Variants in SRCIN1 observed in about 807,000 individuals in gnomAD.
SRCIN1 encodes the protein P130Cas-associated protein.
Under a neutral mutation model 116.2 loss-of-function variants are expected in SRCIN1, and 50 were observed. The observed-to-expected ratio is 0.43, with a 90% CI of 0.34 to 0.54. The LOEUF (loss-of-function observed/expected upper bound fraction) is 0.54, where lower values mean the gene tolerates loss of function less well. Among genes scored for constraint, SRCIN1 ranks in the 20% least tolerant of loss-of-function variants. The pLI is 0.02. For synonymous variants in SRCIN1, 736 were observed against 750.0 expected (o/e 0.98, Z 0.30); for missense variants, 1,446 against 1,672.0 (o/e 0.86, Z 2.36).
In SRCIN1 at chr17:38,578,494, T is replaced by G. The variant is rs1907568999; in HGVS notation, c.320A>C (p.Glu107Ala). The G allele has an allele frequency of 6.3e-7, 1 of 1,582,392 alleles. No individual in the cohort carries two copies. The highest frequency in any genetic ancestry group is 1.4e-5 in the African/African-American group (1 of 73,642). The change falls in exon 2 of 19, where the codon GAG becomes GCG. Residue 107 changes from glutamate to alanine, a missense_variant. Glu to Ala is a moderately radical substitution (Grantham distance 107). This residue lies in a region of SRCIN1 where 246 missense variants were observed against 265.1 expected (regional missense o/e 0.93). Transcript: ENST00000617146. ...ALRGQQDRMREQPNYWSFKTR... is the reference protein window; with the variant it reads ...ALRGQQDRMRAQPNYWSFKTR... Reference sequence around the variant, plus strand: ...CGCAGCCGGGAGCCCACTCACCTGCTCTCGCATCCTGTCCTGCTGGCCTCG... The same window carrying G: ...CGCAGCCGGGAGCCCACTCACCTGCGCTCGCATCCTGTCCTGCTGGCCTCG...
rs1340601926 is a variant in SRCIN1 at position 38,581,412 on chromosome 17, AAAAAAAGAAAAAAG to A, written c.23-2635_23-2622del. 2.1e-3 allele frequency among the ~76,000 whole-genome samples: 303 copies of A among 143,120 alleles called. 4 individuals are homozygous for A. Among genetic ancestry groups the A allele is most frequent in the African/African-American group, 8.5e-3 (291 of 34,130 alleles). 93.9% of individuals were successfully genotyped at this position (143,120 alleles called of 152,430 possible). On this transcript the variant is annotated intron_variant, in intron 1 of 18. Coordinates refer to ENST00000617146, the MANE Select transcript of SRCIN1 (RefSeq NM_025248.3). ...CAGTGTGAAACTCTGTCTCAAAAAAAAAAAAAGAAAAAAGAAAAAAGAAAAAAAAAAGTGTGAGC... is the reference window on the plus strand; with the variant it reads ...CAGTGTGAAACTCTGTCTCAAAAAAAAAAAAAGAAAAAAAAAAGTGTGAGC...
At chr17:38,587,878 A>T (rs975703639) in intron 1 of SRCIN1, among the ~76,000 whole-genome samples, 1 of 152,074 alleles carries the variant, frequency 6.6e-6, no homozygotes, top group Non-Finnish European at 1.5e-5. Context: ...AAAATGTGCA[A>T]ATCAGCCCCG....
chr17:38,562,147 G>A lies in SRCIN1; in HGVS notation c.1016C>T (p.Ser339Leu). Residue 339 changes from serine to leucine, a missense_variant, in exon 7 of 19, where the codon TCG becomes TTG. Ser to Leu is a moderately radical substitution (Grantham distance 145, BLOSUM62 -2). This residue lies in a region of SRCIN1 where 239 missense variants were observed against 317.7 expected (regional missense o/e 0.75). Transcript: ENST00000617146. This position sits in a 1 kb window ranked among gnomAD's most constrained non-coding sequence, Gnocchi z 4.2. ...GTGGTGCACCGGGCTGCCGGCGTAC[G>A]AAGGCGGGCGCCCCCCGGCGTACGA... ...RLSYAGGRPP[S>L]YAGSPVHHAA... 7.3e-7 allele frequency: 1 copy of A among 1,366,756 alleles called. No homozygotes were observed. The allele number at this position is 1,366,756 out of a possible 1,614,324, so 84.7% of individuals were successfully genotyped here.
chr17:38,540,772 T>TGTGA (rs60254439), intron 18 of SRCIN1, among the ~76,000 whole-genome samples: 12 of 149,320 alleles, frequency 8.0e-5, no homozygotes, highest in African/African-American at 3.0e-4. Flanking sequence ...TGTGTGTGTG[T>TGTGA]GACACACACA....
At chr17:38,548,773 C>G in intron 16 of SRCIN1, 64 bp from the exon 17 acceptor site, 1 of 1,475,042 alleles carries the variant, frequency 6.8e-7, no homozygotes, top group Non-Finnish European at 9.0e-7. Flanking sequence ...GCTCACCTCC[C>G]AGGCCCCATC....
At chr17:38,559,911 A>C in intron 9 of SRCIN1, 139 bp from the exon 10 acceptor site, 1 of 1,359,652 alleles carries the variant, frequency 7.4e-7, no homozygotes. Context: ...CCAAGTGGTC[A>C]GCCCTAACGG....
At chr17:38,550,797 G>A (rs985311732) in intron 15 of SRCIN1, among the ~76,000 whole-genome samples, 2 of 152,248 alleles carry the variant, frequency 1.3e-5, no homozygotes, top group Admixed American at 6.5e-5. Context: ...TGGGGACCAT[G>A]GGAACTGTGT....
chr17:38,590,733 G>A (rs988419159), intron 1 of SRCIN1, among the ~76,000 whole-genome samples: 3 of 138,180 alleles, frequency 2.2e-5, no homozygotes, highest in African/African-American at 6.4e-5. Context: ...CTCAACTGCC[G>A]GGGTGCTTAG....
At chr17:38,580,382 C>T (rs916447297) in intron 1 of SRCIN1, among the ~76,000 whole-genome samples, 2 of 152,126 alleles carry the variant, frequency 1.3e-5, no homozygotes, top group African/African-American at 2.4e-5. Flanking sequence ...CACCTCCCAC[C>T]GAACCAAGGG....
At chr17:38,565,423 C>T (rs543349376) in intron 3 of SRCIN1, among the ~76,000 whole-genome samples, 1 of 152,072 alleles carries the variant, frequency 6.6e-6, no homozygotes, top group Non-Finnish European at 1.5e-5. Flanking sequence ...TTTTGTAAAA[C>T]AAATTGTCTA....
intron 2 of SRCIN1, among the ~76,000 whole-genome samples, chr17:38,573,945 T>C (rs184759168): frequency 1.3e-5 from 2 of 152,374 alleles, no homozygotes; most frequent in African/African-American, 4.8e-5. Flanking sequence ...GTTACTAGAC[T>C]TGAGTTACAC....
At chr17:38,574,604 T>C (rs1907290626) in intron 2 of SRCIN1, among the ~76,000 whole-genome samples, 1 of 151,948 alleles carries the variant, frequency 6.6e-6, no homozygotes, top group Admixed American at 6.6e-5. Context: ...GAGAAAGGGA[T>C]ACAAAAACTT....
Position 38,560,352 on chromosome 17 carries a change from A to T in SRCIN1, c.1774T>A (p.Ser592Thr), listed in dbSNP as rs368346581. The T allele has an allele frequency of 3.8e-5, 62 of 1,610,868 alleles. No homozygotes were observed. Among genetic ancestry groups the T allele is most frequent in the Non-Finnish European group, 5.1e-5 (60 of 1,178,626 alleles). The change falls in exon 8 of 19, where the codon TCT (serine) becomes ACT (threonine). Residue 592 changes from serine (S) to threonine (T), a missense_variant. Physicochemically the swap from Ser to Thr is moderately conservative, Grantham distance 58. This residue lies in a region of SRCIN1 where 398 missense variants were observed against 385.6 expected (regional missense o/e 1.03). Transcript: ENST00000617146. ...CCTCACCTGGGGGTCTCAGGCTCAG[A>T]GCCTCGCAGTAAGGCGCTCTGCACC... ...GLVQSALLRG[S>T]EPETPSEKIE...
rs758993179 is a variant in SRCIN1, at chr17:38,564,122, G to A, written c.537C>T (p.Ser179=). Residue 179 remains serine, a synonymous_variant, in exon 4 of 19, where the codon TCC becomes TCT. Coordinates refer to ENST00000617146, the MANE Select transcript of SRCIN1 (RefSeq NM_025248.3). ...SRSASQTKLR[S]PGVLFLQFGE... ...GGTGGACTGGGCGGGCAGTACCTGG[G>A]GAGCGCAGCTTGGTCTGGCTGGCCG... 1.3e-6 allele frequency: 2 copies of A among 1,597,802 alleles called. No homozygotes were observed. Among genetic ancestry groups the A allele is most frequent in the Non-Finnish European group, 1.7e-6 (2 of 1,173,120 alleles).
At chr17:38,584,536 A>G (rs949676303) in intron 1 of SRCIN1, among the ~76,000 whole-genome samples, 1 of 151,912 alleles carries the variant, frequency 6.6e-6, no homozygotes, top group Non-Finnish European at 1.5e-5. Context: ...GGCGCCCCCC[A>G]GTGGCCGGCT....
chr17:38,606,010 G>T (rs1909347100), upstream of SRCIN1: 1 of 142,800 alleles, frequency 7.0e-6, no homozygotes, highest in East Asian at 2.1e-4. The surrounding 1 kb of genome is among the most constrained non-coding windows in gnomAD (Gnocchi z 5.2). Context: ...CGCGGCGCGG[G>T]CGCGCGCGTG....
Position 38,585,551 on chromosome 17 carries a change from A to G in SRCIN1, c.23-6760T>C, listed in dbSNP as rs1475883069. Among the ~76,000 whole-genome samples, 1 of 152,132 alleles carries G rather than the reference A, an allele frequency of 6.6e-6. No individual in the cohort carries two copies. Among genetic ancestry groups the G allele is most frequent in the Non-Finnish European group, 1.5e-5 (1 of 68,020 alleles). On this transcript the variant is annotated intron_variant, in intron 1 of 18. Coordinates refer to ENST00000617146, the MANE Select transcript of SRCIN1 (RefSeq NM_025248.3). This position sits in a 1 kb window ranked among gnomAD's most constrained non-coding sequence, Gnocchi z 4.2. Reference sequence around the variant, plus strand: ...GATCCTTTGCTTCCCCTGCTAGTGAAGGAATCGGCCTCCCTGTCCCTGGGT... The same window carrying G: ...GATCCTTTGCTTCCCCTGCTAGTGAGGGAATCGGCCTCCCTGTCCCTGGGT...
In SRCIN1 at chr17:38,585,919, C is replaced by T. The variant is rs995515686; in HGVS notation, c.23-7128G>A. Among the ~76,000 whole-genome samples, 1 of 152,058 alleles carries T rather than the reference C, an allele frequency of 6.6e-6. No individual in the cohort carries two copies. The highest frequency in any genetic ancestry group is 1.5e-5 in the Non-Finnish European group (1 of 68,004). ...CTCCTGCCTAGCTCCTGGCACAGAG[C>T]GGGGGCCAGAAACTCTGCACCTCCC... On this transcript the variant is annotated intron_variant, in intron 1 of 18. Coordinates refer to ENST00000617146, the MANE Select transcript of SRCIN1 (RefSeq NM_025248.3). This position sits in a 1 kb window ranked among gnomAD's most constrained non-coding sequence, Gnocchi z 4.2.
At position 38,535,682 on chromosome 17, in the gene SRCIN1, G is replaced by A. The variant is rs147307357; in HGVS notation, c.3418-2251C>T. Among the ~76,000 whole-genome samples the A allele has an allele frequency of 4.6e-3, 695 of 152,158 alleles. 3 individuals carry two copies. The highest frequency in any genetic ancestry group is 8.2e-3 in the Non-Finnish European group (557 of 68,002). ...GGGCCTGGAGACAAACTCATCCAAC[G>A]GGAACCAGAGGCTCTCTGACCACTG... is the stretch of plus-strand genomic sequence containing the variant. On this transcript the variant is annotated intron_variant, in intron 18 of 18. Coordinates refer to ENST00000617146, the MANE Select transcript of SRCIN1 (RefSeq NM_025248.3).
Sources: allele counts gnomAD v4.1 joint callset (sites outside exome capture counted in the v4.1 genomes callset), GRCh38; gene constraint gnomAD v4.1.1; regional missense constraint gnomAD v4.1.1; non-coding constraint Gnocchi (gnomAD v3.1); transcripts MANE v1.5; gene names NCBI Gene and HGNC (gene_info 2026-07-23, HGNC 2026-07-21).